The following NCAM2 variants were observed in gnomAD, a reference collection of about 807,000 sequenced individuals.
NCAM2 encodes neural cell adhesion molecule 2, also known as N-CAM-2.
Under a neutral mutation model 98.1 loss-of-function variants are expected in NCAM2, and 30 were observed. That is an observed-to-expected ratio of 0.31 (90% confidence interval 0.23 to 0.41). NCAM2 has a LOEUF of 0.41. NCAM2 is among the 10% of genes least tolerant of loss of function. The pLI, the probability that NCAM2 is intolerant of heterozygous loss-of-function variation, is 1.00. For missense variants in NCAM2, 867 were observed against 1,005.8 expected, an observed-to-expected ratio of 0.86 and a Z score of 1.87; for synonymous variants, 368 against 342.4, an observed-to-expected ratio of 1.07 and a Z score of -0.83.
intron 8 of NCAM2, among the ~76,000 whole-genome samples, chr21:21,359,442 T>C (rs770276416): frequency 1.7e-4 from 26 of 152,000 alleles, no homozygotes; most frequent in Non-Finnish European, 2.9e-4. Context: ...GAAAATGTCA[T>C]TTTAAAAATT....
At chr21:21,038,472 A>C (rs1049900771) in intron 1 of NCAM2, among the ~76,000 whole-genome samples, 2 of 152,080 alleles carry the variant, frequency 1.3e-5, no homozygotes, top group Admixed American at 6.6e-5. Context: ...GTGTGAGGTA[A>C]TTGAATCATG....
chr21:21,382,766 G>A (rs369192400), intron 9 of NCAM2, among the ~76,000 whole-genome samples: 2 of 151,874 alleles, frequency 1.3e-5, no homozygotes, highest in Non-Finnish European at 2.9e-5. Flanking sequence ...TCCTGACCTC[G>A]TGATCTGTCT....
intron 1 of NCAM2, among the ~76,000 whole-genome samples, chr21:21,274,101 G>A (rs2072630526): frequency 6.6e-6 from 1 of 152,000 alleles, no homozygotes; most frequent in African/African-American, 2.4e-5. Context: ...CGGAAGCTGA[G>A]GTGTGGTGAG....
At chr21:21,243,992 T>A (rs958332011) in intron 1 of NCAM2, among the ~76,000 whole-genome samples, 1 of 152,148 alleles carries the variant, frequency 6.6e-6, no homozygotes, top group African/African-American at 2.4e-5. Flanking sequence ...AGTCAGTAGA[T>A]CAGGGAATAG....
intron 1 of NCAM2, among the ~76,000 whole-genome samples, chr21:21,148,844 G>C (rs760282779): frequency 1.4e-4 from 22 of 152,094 alleles, no homozygotes; most frequent in Non-Finnish European, 2.4e-4. Context: ...TCTTACAGTA[G>C]AAATAGTGTC....
intron 1 of NCAM2, among the ~76,000 whole-genome samples, chr21:21,051,727 C>T (rs950050286): frequency 1.3e-5 from 2 of 152,150 alleles, no homozygotes; most frequent in African/African-American, 4.8e-5. Context: ...TGCTGGTTTA[C>T]AACCTCTGTT....
In NCAM2 at chr21:21,539,392, A is replaced by T. The variant is rs1386253579; in HGVS notation, c.*1435A>T. 1 of 152,184 alleles carries T rather than the reference A, an allele frequency of 6.6e-6. No individual in the cohort carries two copies. Among genetic ancestry groups the T allele is most frequent in the Non-Finnish European group, 1.5e-5 (1 of 68,030 alleles). 9.4% of individuals were successfully genotyped at this position (152,184 alleles called of 1,614,324 possible). On this transcript the variant is annotated 3_prime_UTR_variant, in exon 18 of 18. Transcript: ENST00000400546. ...CCTTTGGTGTTTCAGGTGGTATTAT[A>T]GCTCAAATAGTGACAGGACAGGGAA... is the stretch of plus-strand genomic sequence containing the variant.
intron 1 of NCAM2, among the ~76,000 whole-genome samples, chr21:21,005,118 G>C (rs1341269754): frequency 6.6e-6 from 1 of 152,186 alleles, no homozygotes; most frequent in Non-Finnish European, 1.5e-5. Flanking sequence ...GGAAGTGGAA[G>C]ATAGAGTGAC....
intron 14 of NCAM2, among the ~76,000 whole-genome samples, chr21:21,473,201 C>T (rs1390946422): frequency 1.3e-5 from 2 of 151,020 alleles, no homozygotes; most frequent in African/African-American, 2.4e-5. Flanking sequence ...ACTGGTCTCT[C>T]GATGAATCTG....
At chr21:21,376,663 A>C (rs1162504964) in intron 9 of NCAM2, among the ~76,000 whole-genome samples, 1 of 151,826 alleles carries the variant, frequency 6.6e-6, no homozygotes, top group African/African-American at 2.4e-5. Flanking sequence ...TTAATACGAA[A>C]AAAGTACATT....
At chr21:21,042,429 C>A (rs942480102) in intron 1 of NCAM2, among the ~76,000 whole-genome samples, 1 of 152,178 alleles carries the variant, frequency 6.6e-6, no homozygotes, top group East Asian at 1.9e-4. Context: ...GGTGATCCAC[C>A]CGCCTCGGCC....
chr21:21,069,718 A>AT (rs2065518070), intron 1 of NCAM2, among the ~76,000 whole-genome samples: 1 of 152,166 alleles, frequency 6.6e-6, no homozygotes, highest in Non-Finnish European at 1.5e-5. Context: ...AAAATGAGAC[A>AT]TTTCCTAGGG....
intron 1 of NCAM2, among the ~76,000 whole-genome samples, chr21:21,126,043 A>ATG (rs1663581535): frequency 6.6e-6 from 1 of 151,814 alleles, no homozygotes; most frequent in South Asian, 2.1e-4. Flanking sequence ...TGTTTGTCTA[A>ATG]CACGCGCATG....
intron 1 of NCAM2, among the ~76,000 whole-genome samples, chr21:21,248,173 G>A (rs1201820326): frequency 6.6e-6 from 1 of 151,814 alleles, no homozygotes; most frequent in Non-Finnish European, 1.5e-5. Flanking sequence ...TTTTATAGAT[G>A]TAAATCTTCA....
chr21:21,364,741 A>C (rs2075743488), intron 8 of NCAM2, among the ~76,000 whole-genome samples: 1 of 152,096 alleles, frequency 6.6e-6, no homozygotes, highest in Admixed American at 6.6e-5. Context: ...TAATACTTTG[A>C]ATAAGGATGT....
At chr21:21,271,593 AC>A (rs1002529870) in intron 1 of NCAM2, among the ~76,000 whole-genome samples, 21 of 152,332 alleles carry the variant, frequency 1.4e-4, no homozygotes, top group African/African-American at 5.1e-4. Context: ...AAAAAGTATT[AC>A]AGAATTTTAG....
intron 1 of NCAM2, among the ~76,000 whole-genome samples, chr21:21,186,150 T>A (rs745886515): frequency 5.3e-5 from 8 of 152,172 alleles, no homozygotes; most frequent in Non-Finnish European, 7.4e-5. Flanking sequence ...TTATCGCTAG[T>A]CCCATTATAA....
rs199950399 is a variant in NCAM2, at chr21:21,456,395, C to CTG, written c.1655-10208_1655-10207dup. 7.2e-3 allele frequency among the ~76,000 whole-genome samples: 1,098 copies of CTG among 152,208 alleles called. 10 individuals are homozygous for CTG. Among genetic ancestry groups the CTG allele is most frequent in the African/African-American group, 0.025 (1,055 of 41,520 alleles). ...TTTTTAGTGTGATTACAATTTGCTCCTGTGAACTATAAGGAAAATGCTGAA... is the reference window on the plus strand; with the variant it reads ...TTTTTAGTGTGATTACAATTTGCTCCTGTGTGAACTATAAGGAAAATGCTGAA... On this transcript the variant is annotated intron_variant, in intron 12 of 17. Coordinates refer to ENST00000400546, the MANE Select transcript of NCAM2 (RefSeq NM_004540.5).
chr21:21,105,923 A>G (rs2066334750), intron 1 of NCAM2, among the ~76,000 whole-genome samples: 1 of 152,176 alleles, frequency 6.6e-6, no homozygotes, highest in South Asian at 2.1e-4. Flanking sequence ...ATCGTATATA[A>G]TTAATCTTGC....
Sources: allele counts gnomAD v4.1 joint callset (sites outside exome capture counted in the v4.1 genomes callset), GRCh38; gene constraint gnomAD v4.1.1; transcripts MANE v1.5; gene names NCBI Gene and HGNC (gene_info 2026-07-23, HGNC 2026-07-21).